Variants in FLRT2 observed in about 807,000 individuals in gnomAD.
FLRT2 encodes fibronectin leucine rich transmembrane protein 2, also known as leucine-rich repeat transmembrane protein FLRT2.
Under a neutral mutation model 40.0 loss-of-function variants are expected in FLRT2, and 15 were observed. The observed-to-expected ratio is 0.38, with a 90% CI of 0.25 to 0.58. FLRT2 has a LOEUF of 0.58. FLRT2 is among the 20% of genes least tolerant of loss of function. The probability of loss-of-function intolerance (pLI) is 0.71; values close to 1 mark genes in which losing one functional copy is unlikely to be tolerated. For synonymous variants in FLRT2, 380 were observed against 336.8 expected (o/e 1.13, Z -1.41); for missense variants, 726 against 840.0 (o/e 0.86, Z 1.68).
Position 85,621,811 on chromosome 14 carries a change from A to T in FLRT2, c.297A>T (p.Gln99His), listed in dbSNP as rs764176554. ...SVHTVYLYGN[Q>H]LDEFPMNLPK... ...ACACGGTCTACCTGTATGGCAACCA[A>T]CTGGACGAATTCCCCATGAACCTTC... The change falls in exon 2 of 2, where the codon CAA becomes CAT. Residue 99 changes from glutamine (Q) to histidine (H), a missense_variant. Physicochemically the swap from Gln to His is conservative, Grantham distance 24. Transcript: ENST00000330753. 5.0e-6 allele frequency: 8 copies of T among 1,614,070 alleles called. No individual in the cohort carries two copies. The Admixed American group carries it at 6.7e-5, about 13-fold the overall frequency.
chr14:85,587,423 A>T (rs1891672864), intron 1 of FLRT2, among the ~76,000 whole-genome samples: 1 of 152,016 alleles, frequency 6.6e-6, no homozygotes, highest in Non-Finnish European at 1.5e-5. Context: ...GATTTTCCTG[A>T]TTTGTTTTGT....
rs904901812 is a variant in FLRT2 at position 85,645,996 on chromosome 14, T to C, written c.*22499T>C. The C allele has an allele frequency of 6.6e-6, 1 of 150,606 alleles. No individual in the cohort carries two copies. Among genetic ancestry groups the C allele is most frequent in the Non-Finnish European group, 1.5e-5 (1 of 67,894 alleles). The allele number at this position is 150,606 out of a possible 1,614,324, so 9.3% of individuals were successfully genotyped here. ...AACTATCCATATTGAAATAGACAATTACTCTGTATATAGATTTGCCTGCCT... is the reference window on the plus strand; with the variant it reads ...AACTATCCATATTGAAATAGACAATCACTCTGTATATAGATTTGCCTGCCT... On this transcript the variant is annotated 3_prime_UTR_variant, in exon 2 of 2. Transcript: ENST00000330753.
chr14:85,619,480 T>TA (rs1369690997), intron 1 of FLRT2, among the ~76,000 whole-genome samples: 1 of 152,036 alleles, frequency 6.6e-6, no homozygotes, highest in East Asian at 1.9e-4. Context: ...TCCGAAACAA[T>TA]AAAAAATGAG....
intron 1 of FLRT2, among the ~76,000 whole-genome samples, chr14:85,569,539 G>A (rs756587308): frequency 2.6e-5 from 4 of 152,164 alleles, no homozygotes; most frequent in East Asian, 1.9e-4. Context: ...ATAAATGTTA[G>A]AGACAAAGGC....
chr14:85,623,372 G>C lies in FLRT2; in HGVS notation c.1858G>C (p.Gly620Arg). ...VSLNNDQLLK[G>R]DFRLQPIYTP... ...CTTAAATAACGATCAACTCCTTAAAGGAGATTTCAGACTGCAGCCCATTTA... is the reference window on the plus strand; with the variant it reads ...CTTAAATAACGATCAACTCCTTAAACGAGATTTCAGACTGCAGCCCATTTA... The change falls in exon 2 of 2, where the codon GGA becomes CGA. Residue 620 changes from glycine to arginine, a missense_variant. This residue lies in a region of FLRT2 where 611 missense variants were observed against 690.0 expected (regional missense o/e 0.89). Transcript: ENST00000330753. 6.6e-7 allele frequency: 1 copy of C among 1,523,122 alleles called. No individual in the cohort carries two copies. Among genetic ancestry groups the C allele is most frequent in the Non-Finnish European group, 8.8e-7 (1 of 1,138,094 alleles). 94.4% of individuals were successfully genotyped at this position (1,523,122 alleles called of 1,614,324 possible).
chr14:85,622,555 G>A lies in FLRT2; in HGVS notation c.1041G>A (p.Gly347=), dbSNP rs1426289193. 3.7e-6 allele frequency: 6 copies of A among 1,613,760 alleles called. No individual in the cohort carries two copies. The highest frequency in any genetic ancestry group is 1.1e-5 in the South Asian group (1 of 91,070). Residue 347 remains glycine, a synonymous_variant, in exon 2 of 2, where the codon GGG becomes GGA. Coordinates refer to ENST00000330753, the MANE Select transcript of FLRT2 (RefSeq NM_013231.6). ...FMCQGPEQVR[G]MAVRELNMNL... is the part of the protein sequence containing the mutation. Reference sequence around the variant, plus strand: ...GCCAAGGTCCTGAACAAGTCCGGGGGATGGCCGTCAGGGAATTAAATATGA... The same window carrying A: ...GCCAAGGTCCTGAACAAGTCCGGGGAATGGCCGTCAGGGAATTAAATATGA...
At position 85,549,021 on chromosome 14, in the gene FLRT2, ACCAGGGATGGCCAAACT is replaced by A. The variant is rs562741566; in HGVS notation, c.-377+18494_-377+18510del. Among the ~76,000 whole-genome samples the A allele has an allele frequency of 1.5e-3, 234 of 152,252 alleles. 1 individual carries two copies. The highest frequency in any genetic ancestry group is 5.4e-3 in the African/African-American group (225 of 41,550). On this transcript the variant is annotated intron_variant, in intron 1 of 1. Transcript: ENST00000330753. ...CAGTGGGACCTTGGAGAAGAGTTTG[ACCAGGGATGGCCAAACT>A]CCAGGGGAAGACCACCTTCCCACTC... is the stretch of plus-strand genomic sequence containing the variant.
At chr14:85,587,208 A>G (rs952439778) in intron 1 of FLRT2, among the ~76,000 whole-genome samples, 1 of 150,472 alleles carries the variant, frequency 6.6e-6, no homozygotes, top group African/African-American at 2.5e-5. Flanking sequence ...ACATTCTTTT[A>G]GTATTTCAGG....
intron 1 of FLRT2, among the ~76,000 whole-genome samples, chr14:85,559,841 C>T (rs547737573): frequency 5.9e-5 from 9 of 152,202 alleles, no homozygotes; most frequent in East Asian, 3.9e-4. Flanking sequence ...CTCTGATATC[C>T]GGATCTCCTG....
chr14:85,586,306 A>C (rs2139883336), intron 1 of FLRT2, among the ~76,000 whole-genome samples: 1 of 152,218 alleles, frequency 6.6e-6, no homozygotes, highest in East Asian at 1.9e-4. Flanking sequence ...CACTGGAGTC[A>C]GGCTTCAATC....
intron 1 of FLRT2, among the ~76,000 whole-genome samples, chr14:85,613,476 C>T (rs1051053151): frequency 5.9e-5 from 9 of 152,168 alleles, no homozygotes; most frequent in African/African-American, 1.9e-4. Flanking sequence ...CTATCTATCC[C>T]TCAATCTTTC....
At chr14:85,546,823 C>T (rs1889306530) in intron 1 of FLRT2, among the ~76,000 whole-genome samples, 1 of 152,178 alleles carries the variant, frequency 6.6e-6, no homozygotes, top group African/African-American at 2.4e-5. Context: ...ACTTCAGTGT[C>T]ACTGTGTTTT....
intron 1 of FLRT2, among the ~76,000 whole-genome samples, chr14:85,609,191 C>G (rs1243389792): frequency 1.3e-5 from 2 of 152,114 alleles, no homozygotes; most frequent in African/African-American, 4.8e-5. Context: ...AGAGGTCCTC[C>G]AGGGCCCTGT....
In FLRT2 at chr14:85,609,533, G is replaced by C. The variant is rs551791126; in HGVS notation, c.-376-11606G>C. On this transcript the variant is annotated intron_variant, in intron 1 of 1. Transcript: ENST00000330753. ...GAGGTGGCTGTTTCACCGGGAATTT[G>C]TTTCATTTAGTCTTGACCTCTTGAC... Among the ~76,000 whole-genome samples the C allele has an allele frequency of 3.3e-5, 5 of 152,330 alleles. No individual in the cohort carries two copies. The East Asian group carries it at 9.7e-4, about 29-fold the overall frequency.
chr14:85,568,536 G>C (rs571083616), intron 1 of FLRT2, among the ~76,000 whole-genome samples: 1 of 152,282 alleles, frequency 6.6e-6, no homozygotes, highest in East Asian at 1.9e-4. Context: ...CATTCAAGAA[G>C]CCTGGACCAG....
At position 85,625,309 on chromosome 14, in the gene FLRT2, C is replaced by G. The variant is rs1026118040; in HGVS notation, c.*1812C>G. The G allele has an allele frequency of 6.0e-6, 1 of 166,946 alleles. No homozygotes were observed. The highest frequency in any genetic ancestry group is 2.4e-5 in the African/African-American group (1 of 41,326). 10.3% of individuals were successfully genotyped at this position (166,946 alleles called of 1,614,324 possible). On this transcript the variant is annotated 3_prime_UTR_variant, in exon 2 of 2. Coordinates refer to ENST00000330753, the MANE Select transcript of FLRT2 (RefSeq NM_013231.6). Reference sequence around the variant, plus strand: ...ATGTCACAATCATCTTACTAGCTCTCTCTCTCTCAGCAAAATAAAACTGTG... The same window carrying G: ...ATGTCACAATCATCTTACTAGCTCTGTCTCTCTCAGCAAAATAAAACTGTG...
chr14:85,611,899 A>C lies in FLRT2; in HGVS notation c.-376-9240A>C, dbSNP rs76584432. 2.0e-3 allele frequency among the ~76,000 whole-genome samples: 258 copies of C among 126,712 alleles called. 7 individuals carry two copies. Among genetic ancestry groups the C allele is most frequent in the East Asian group, 0.012 (55 of 4,524 alleles). The allele number at this position is 126,712 out of a possible 152,430, so 83.1% of individuals were successfully genotyped here. A position where few individuals can be genotyped will look rare whatever the true frequency, so the allele number is the denominator to read the frequency against. ...TTCATGTGAGGGGAGAGAGAGAGAG[A>C]GCGCGCGTGCGCGAAAGCGTGTGTG... On this transcript the variant is annotated intron_variant, in intron 1 of 1. Coordinates refer to ENST00000330753, the MANE Select transcript of FLRT2 (RefSeq NM_013231.6).
At chr14:85,571,326 A>T (rs2139861576) in intron 1 of FLRT2, among the ~76,000 whole-genome samples, 1 of 152,342 alleles carries the variant, frequency 6.6e-6, no homozygotes, top group Non-Finnish European at 1.5e-5. Flanking sequence ...AACTATAAAA[A>T]AAAGTTGTGG....
At chr14:85,614,445 G>GCTGAGATAAGAAACTAAATTCTGA (rs1399457591) in intron 1 of FLRT2, among the ~76,000 whole-genome samples, 1 of 152,230 alleles carries the variant, frequency 6.6e-6, no homozygotes, top group East Asian at 1.9e-4. Flanking sequence ...GAATGGAAGT[G>GCTGAGATAAGAAACTAAATTCTGA]CTGAGATAAG....
Sources: allele counts gnomAD v4.1 joint callset (sites outside exome capture counted in the v4.1 genomes callset), GRCh38; gene constraint gnomAD v4.1.1; regional missense constraint gnomAD v4.1.1; transcripts MANE v1.5; gene names NCBI Gene and HGNC (gene_info 2026-07-23, HGNC 2026-07-21).